SLC35F3: variants seen among roughly 807,000 people sequenced by gnomAD.
SLC35F3 encodes solute carrier family 35 member F3.
SLC35F3 carries 25 observed loss-of-function variants against 49.9 expected under a neutral mutation model. The observed-to-expected ratio is 0.50, with a 90% confidence interval of 0.37 to 0.70. SLC35F3 has a LOEUF of 0.70. Ranked by LOEUF, SLC35F3 falls within the 30% of genes least tolerant of loss-of-function variation. The pLI is 0.00. For synonymous variants in SLC35F3, 275 were observed against 265.4 expected (o/e 1.04, Z -0.35); for missense variants, 525 against 639.8 (o/e 0.82, Z 1.94).
intron 3 of SLC35F3, among the ~76,000 whole-genome samples, chr1:234,300,895 C>A (rs909984932): frequency 6.6e-6 from 1 of 152,154 alleles, no homozygotes; most frequent in African/African-American, 2.4e-5. Flanking sequence ...GGGCATGGGC[C>A]AGGGTACTGA....
chr1:234,146,642 G>A (rs918866966), intron 2 of SLC35F3, among the ~76,000 whole-genome samples: 2 of 151,800 alleles, frequency 1.3e-5, no homozygotes, highest in African/African-American at 4.8e-5. Flanking sequence ...AGCCTCCCAA[G>A]TAGCTGGGAT....
chr1:234,183,653 T>C (rs1025341172), intron 2 of SLC35F3, among the ~76,000 whole-genome samples: 1 of 143,000 alleles, frequency 7.0e-6, no homozygotes, highest in Non-Finnish European at 1.5e-5. Flanking sequence ...TATATCCATA[T>C]GTCATCAATG....
Position 234,309,335 on chromosome 1 carries a change from ATCTG to A in SLC35F3, c.828+19_828+22del. On this transcript the variant is annotated intron_variant, in intron 4 of 7. Coordinates refer to ENST00000366618, the MANE Select transcript of SLC35F3 (RefSeq NM_173508.4). ...TGGGAGTGAGGGTAAGTTCCTTATT[ATCTG>A]TCTTCCTCCCTCACTCAGTCATGTC... The A allele has an allele frequency of 6.2e-7, 1 of 1,611,398 alleles. No homozygotes were observed. Among genetic ancestry groups the A allele is most frequent in the Non-Finnish European group, 8.5e-7 (1 of 1,177,832 alleles).
chr1:234,059,369 A>G (rs997376652), intron 2 of SLC35F3, among the ~76,000 whole-genome samples: 1 of 145,480 alleles, frequency 6.9e-6, no homozygotes, highest in African/African-American at 2.5e-5. Flanking sequence ...TTTTTTTGTA[A>G]GTGTGTCTTC....
At position 234,156,538 on chromosome 1, in the gene SLC35F3, A is replaced by G. The variant is rs538368785; in HGVS notation, c.284-74879A>G. ...CGGAAAACGGTAAAGACACTTTGGG[A>G]AACAGTTGAGCAGTTCCTCAAAAAG... On this transcript the variant is annotated intron_variant, in intron 2 of 7. Transcript: ENST00000366618. Among the ~76,000 whole-genome samples, 23 of 152,318 alleles carry G rather than the reference A, an allele frequency of 1.5e-4. No individual in the cohort carries two copies. In the East Asian group the frequency reaches 1.5e-3, roughly 10 times the overall value.
At chr1:234,220,034 G>A (rs12239785) in intron 2 of SLC35F3, among the ~76,000 whole-genome samples, 19,591 of 152,132 alleles carry the variant, frequency 0.13, 3,073 homozygotes, top group East Asian at 0.8. Context: ...CTAGACCATG[G>A]GCAGATGCTG....
At chr1:234,293,434 T>C (rs895798742) in intron 3 of SLC35F3, among the ~76,000 whole-genome samples, 1 of 152,186 alleles carries the variant, frequency 6.6e-6, no homozygotes, top group Admixed American at 6.5e-5. Flanking sequence ...TCAACCCATT[T>C]TGAATCCTTG....
chr1:234,177,664 G>A (rs1666496811), intron 2 of SLC35F3, among the ~76,000 whole-genome samples: 1 of 152,166 alleles, frequency 6.6e-6, no homozygotes, highest in Non-Finnish European at 1.5e-5. Flanking sequence ...AGTTAGTTAT[G>A]GGGTACTGTT....
chr1:234,109,020 G>A (rs61824599), intron 2 of SLC35F3, among the ~76,000 whole-genome samples: 21,044 of 151,664 alleles, frequency 0.14, 3,184 homozygotes, highest in East Asian at 0.81. Context: ...ATCTCAGGGA[G>A]TGGAGTATTC....
intron 5 of SLC35F3, among the ~76,000 whole-genome samples, chr1:234,317,255 T>C (rs1387701777): frequency 3.3e-5 from 5 of 152,214 alleles, no homozygotes; most frequent in Admixed American, 2.6e-4. Context: ...AGTATTTTGA[T>C]GAAATGTTGG....
chr1:234,022,277 T>G (rs1663907855), intron 2 of SLC35F3, among the ~76,000 whole-genome samples: 1 of 152,154 alleles, frequency 6.6e-6, no homozygotes, highest in Non-Finnish European at 1.5e-5. Flanking sequence ...TGTATGTGCA[T>G]GTATATGCAT....
Position 234,130,898 on chromosome 1 carries a change from G to C in SLC35F3, c.284-100519G>C, listed in dbSNP as rs187022658. Among the ~76,000 whole-genome samples, 3 of 151,944 alleles carry C rather than the reference G, an allele frequency of 2.0e-5. No homozygotes were observed. In the East Asian group the frequency reaches 5.8e-4, roughly 29 times the overall value. ...ATGCATTAGTCATAATAGTTAAAAC[G>C]TGGAAGCAACCAAACTGTTTTGTGA... On this transcript the variant is annotated intron_variant, in intron 2 of 7. Transcript: ENST00000366618.
chr1:233,994,708 A>AT (rs2102828998), intron 2 of SLC35F3, among the ~76,000 whole-genome samples: 2 of 152,334 alleles, frequency 1.3e-5, no homozygotes, highest in South Asian at 4.1e-4. Flanking sequence ...AAATTAAGTG[A>AT]TTGGGTTGTA....
intron 2 of SLC35F3, among the ~76,000 whole-genome samples, chr1:234,018,343 G>T (rs969825303): frequency 6.6e-6 from 1 of 152,144 alleles, no homozygotes; most frequent in African/African-American, 2.4e-5. Flanking sequence ...ACACAGCCCT[G>T]CCCCACCTCC....
intron 2 of SLC35F3, among the ~76,000 whole-genome samples, chr1:234,077,574 C>T (rs913695650): frequency 6.6e-6 from 1 of 152,308 alleles, no homozygotes; most frequent in East Asian, 1.9e-4. Flanking sequence ...ATGGGGATTA[C>T]AATTCAAGAT....
chr1:233,905,138 G>T lies in SLC35F3; in HGVS notation c.53+8G>T. ...GGGCAAGAGCATTGCCGTGTGAGTAGCGCCCCGGGCGTGGGTGAGCGAGCC... is the reference window on the plus strand; with the variant it reads ...GGGCAAGAGCATTGCCGTGTGAGTATCGCCCCGGGCGTGGGTGAGCGAGCC... On this transcript the variant is annotated splice_region_variant and intron_variant, in intron 1 of 7. Transcript: ENST00000366618. 6.4e-7 allele frequency: 1 copy of T among 1,553,450 alleles called. No homozygotes were observed. Among genetic ancestry groups the T allele is most frequent in the South Asian group, 1.2e-5 (1 of 84,170 alleles).
intron 4 of SLC35F3, among the ~76,000 whole-genome samples, chr1:234,312,133 A>G (rs921028881): frequency 1.1e-4 from 17 of 152,308 alleles, no homozygotes; most frequent in Non-Finnish European, 4.4e-5. Context: ...CAAGAGTAGG[A>G]TGAGAGCAGG....
chr1:234,035,781 TA>T (rs1191983302), intron 2 of SLC35F3, among the ~76,000 whole-genome samples: 1 of 152,218 alleles, frequency 6.6e-6, no homozygotes, highest in East Asian at 1.9e-4. Flanking sequence ...TTTTTAAATT[TA>T]ACATTCTATC....
chr1:233,993,362 G>A (rs928632803), intron 2 of SLC35F3, among the ~76,000 whole-genome samples: 19 of 152,160 alleles, frequency 1.2e-4, no homozygotes, highest in African/African-American at 3.4e-4. Context: ...AAGAGAAAGC[G>A]ATATGCTGAA....
Sources: gnomAD v4.1 joint callset for allele counts (sites outside exome capture counted in the v4.1 genomes callset) on GRCh38, gnomAD v4.1.1 for gene constraint, MANE v1.5 for transcripts, NCBI Gene and HGNC (gene_info 2026-07-23, HGNC 2026-07-21) for gene names.